The following CDH4 variants were observed in gnomAD, a reference collection of about 807,000 sequenced individuals.
The protein encoded by CDH4 is cadherin-4.
Under a neutral mutation model 86.0 loss-of-function variants are expected in CDH4, and 33 were observed. The ratio of observed to expected loss-of-function variants is 0.38; its 90% CI spans 0.29 to 0.51. The LOEUF is 0.51. Among genes scored for constraint, CDH4 ranks in the 20% least tolerant of loss-of-function variants. The probability of loss-of-function intolerance (pLI) is 0.86; values close to 1 mark genes in which losing one functional copy is unlikely to be tolerated. For synonymous variants in CDH4, 555 were observed against 549.4 expected, an observed-to-expected ratio of 1.01 and a Z score of -0.14; for missense variants, 1,114 against 1,307.4, an observed-to-expected ratio of 0.85 and a Z score of 2.28.
chr20:61,805,061 C>T (rs1980051610), intron 4 of CDH4, among the ~76,000 whole-genome samples: 1 of 152,218 alleles, frequency 6.6e-6, no homozygotes, highest in Non-Finnish European at 1.5e-5. Flanking sequence ...ACTCCAAGTT[C>T]GTGGAAAGAG....
At chr20:61,823,570 A>C (rs1224526502) in intron 4 of CDH4, among the ~76,000 whole-genome samples, 1 of 152,178 alleles carries the variant, frequency 6.6e-6, no homozygotes, top group African/African-American at 2.4e-5. Context: ...GAGGAGACCA[A>C]GAATTAAGAA....
intron 2 of CDH4, among the ~76,000 whole-genome samples, chr20:61,688,552 C>T (rs61198203): frequency 0.025 from 3,753 of 152,322 alleles, 167 homozygotes; most frequent in African/African-American, 0.086. Context: ...GCTTCTCGGC[C>T]GCCTTCCGGA....
At position 61,252,581 on chromosome 20, in the gene CDH4, G is replaced by A. The variant is rs571665072; in HGVS notation, c.57+11G>A. 1,087 of 1,201,890 alleles carry A rather than the reference G, an allele frequency of 9.0e-4. 9 individuals are homozygous for A. In the African/African-American group the frequency reaches 0.016, roughly 17 times the overall value. The allele number at this position is 1,201,890 out of a possible 1,614,324, so 74.5% of individuals were successfully genotyped here. ...TCCGGCGCGCTCCGGGTAAGTTGCCGCCTCCCGCCCCCGCCGTTCGGAAGC... is the reference window on the plus strand; with the variant it reads ...TCCGGCGCGCTCCGGGTAAGTTGCCACCTCCCGCCCCCGCCGTTCGGAAGC... On this transcript the variant is annotated intron_variant, in intron 1 of 15. Transcript: ENST00000614565. This position sits in a 1 kb window ranked among gnomAD's most constrained non-coding sequence, Gnocchi z 4.4.
At chr20:61,920,345 A>AT in intron 9 of CDH4, among the ~76,000 whole-genome samples, 1 of 78,406 alleles carries the variant, frequency 1.3e-5, no homozygotes, top group East Asian at 4.3e-4. Flanking sequence ...GCGTGGTGTC[A>AT]TAGTGATTGC....
chr20:61,316,447 G>A (rs2084476656), intron 2 of CDH4, among the ~76,000 whole-genome samples: 1 of 152,236 alleles, frequency 6.6e-6, no homozygotes, highest in Non-Finnish European at 1.5e-5. Context: ...CAAATGTGTT[G>A]TTCCAACAGA....
chr20:61,693,779 A>G (rs1174498562), intron 2 of CDH4, among the ~76,000 whole-genome samples: 3 of 151,876 alleles, frequency 2.0e-5, no homozygotes, highest in Non-Finnish European at 2.9e-5. Flanking sequence ...CATGCCCCCC[A>G]TAATTGTATG....
chr20:61,692,581 T>C (rs2087671555), intron 2 of CDH4, among the ~76,000 whole-genome samples: 1 of 152,224 alleles, frequency 6.6e-6, no homozygotes, highest in South Asian at 2.1e-4. Context: ...CGTTTCCTAA[T>C]AAGCATTTAT....
chr20:61,618,629 T>C (rs1373389956), intron 2 of CDH4, among the ~76,000 whole-genome samples: 1 of 152,094 alleles, frequency 6.6e-6, no homozygotes, highest in Non-Finnish European at 1.5e-5. Context: ...ATGGTCCTGG[T>C]TATGGAGCAA....
chr20:61,365,751 C>A (rs1395496150), intron 2 of CDH4, among the ~76,000 whole-genome samples: 4 of 152,112 alleles, frequency 2.6e-5, no homozygotes, highest in Non-Finnish European at 5.9e-5. Flanking sequence ...GGCGTGCCTG[C>A]ATTCCCTTTG....
At chr20:61,316,696 T>G (rs1427103465) in intron 2 of CDH4, among the ~76,000 whole-genome samples, 2 of 152,260 alleles carry the variant, frequency 1.3e-5, no homozygotes. Flanking sequence ...GAAGAAATGC[T>G]GGCCATGTGA....
At chr20:61,331,634 C>T (rs1568801104) in intron 2 of CDH4, among the ~76,000 whole-genome samples, 75 of 67,286 alleles carry the variant, frequency 1.1e-3, no homozygotes, top group African/African-American at 1.7e-3. Flanking sequence ...CCTCCTGCCC[C>T]AGACCCACCT....
chr20:61,620,370 A>G (rs1440242866), intron 2 of CDH4, among the ~76,000 whole-genome samples: 1 of 149,722 alleles, frequency 6.7e-6, no homozygotes. Flanking sequence ...GATGGATGAT[A>G]GATACATGAT....
intron 4 of CDH4, among the ~76,000 whole-genome samples, chr20:61,794,519 G>A (rs892259199): frequency 2.0e-5 from 3 of 152,200 alleles, no homozygotes; most frequent in Non-Finnish European, 4.4e-5. Flanking sequence ...GGGTAGCAAA[G>A]GTGGCTCAGT....
chr20:61,694,842 G>A (rs535299011), intron 2 of CDH4, among the ~76,000 whole-genome samples: 19 of 152,336 alleles, frequency 1.2e-4, no homozygotes, highest in African/African-American at 4.3e-4. Context: ...TCTGCCGAGC[G>A]CTGGCGATAC....
chr20:61,451,125 C>CG (rs2085377219), intron 2 of CDH4, among the ~76,000 whole-genome samples: 1 of 98,422 alleles, frequency 1.0e-5, no homozygotes, highest in African/African-American at 4.3e-5. Flanking sequence ...CTCTCACGCC[C>CG]CCCCCCTTCC....
Position 61,392,379 on chromosome 20 carries a change from C to T in CDH4, c.169+137442C>T, listed in dbSNP as rs918920184. Among the ~76,000 whole-genome samples, 1 of 152,242 alleles carries T rather than the reference C, an allele frequency of 6.6e-6. No individual in the cohort carries two copies. The highest frequency in any genetic ancestry group is 2.1e-4 in the South Asian group (1 of 4,804). On this transcript the variant is annotated intron_variant, in intron 2 of 15. Transcript: ENST00000614565. The surrounding 1 kb of genome is among the most constrained non-coding windows in gnomAD (Gnocchi z 5.7). ...TCCCACGCTGCTCAGTATGCATGATCACAGGGCGCCACCGGGATGGAACGC... is the reference window on the plus strand; with the variant it reads ...TCCCACGCTGCTCAGTATGCATGATTACAGGGCGCCACCGGGATGGAACGC...
intron 7 of CDH4, among the ~76,000 whole-genome samples, chr20:61,892,276 A>C (rs1297692714): frequency 6.6e-6 from 1 of 152,174 alleles, no homozygotes; most frequent in Non-Finnish European, 1.5e-5. Context: ...GTCATTCCTC[A>C]GAGCTTCTGT....
At chr20:61,491,966 A>G (rs1057062966) in intron 2 of CDH4, among the ~76,000 whole-genome samples, 6 of 148,850 alleles carry the variant, frequency 4.0e-5, no homozygotes, top group Non-Finnish European at 8.9e-5. Flanking sequence ...GTGCTGATGT[A>G]AGTGGTGTCA....
At chr20:61,844,567 C>T (rs754942922) in intron 4 of CDH4, 101 bp from the exon 5 acceptor site, 15 of 1,149,582 alleles carry the variant, frequency 1.3e-5, no homozygotes, top group East Asian at 2.5e-5. Flanking sequence ...TGAAAATGGT[C>T]GAGCTCGAGG....
Sources: gnomAD v4.1 joint callset for allele counts (sites outside exome capture counted in the v4.1 genomes callset) on GRCh38, gnomAD v4.1.1 for gene constraint, Gnocchi (gnomAD v3.1) non-coding constraint, MANE v1.5 for transcripts, NCBI Gene and HGNC (gene_info 2026-07-23, HGNC 2026-07-21) for gene names.